The following AGBL4 variants were observed in gnomAD, a reference collection of about 807,000 sequenced individuals.
AGBL4 encodes the protein cytosolic carboxypeptidase 6.
AGBL4 carries 58 observed loss-of-function variants against 66.4 expected under a neutral mutation model. The ratio of observed to expected loss-of-function variants is 0.87; its 90% CI spans 0.71 to 1.09. AGBL4 has a LOEUF of 1.09. Among genes scored for constraint, AGBL4 ranks in the 50% least tolerant of loss-of-function variants. The pLI, the probability that AGBL4 is intolerant of heterozygous loss-of-function variation, is 0.00. For missense variants in AGBL4, 579 were observed against 631.0 expected, an observed-to-expected ratio of 0.92 and a Z score of 0.88; for synonymous variants, 234 against 222.9, an observed-to-expected ratio of 1.05 and a Z score of -0.44.
chr1:49,232,383 G>C (rs941101780), intron 4 of AGBL4, among the ~76,000 whole-genome samples: 3 of 152,034 alleles, frequency 2.0e-5, no homozygotes, highest in African/African-American at 7.2e-5. Flanking sequence ...GACTCAAGAA[G>C]AATATGATCT....
intron 1 of AGBL4, among the ~76,000 whole-genome samples, chr1:49,894,920 A>G (rs1414682878): frequency 6.6e-6 from 1 of 152,158 alleles, no homozygotes; most frequent in African/African-American, 2.4e-5. Flanking sequence ...AGGTTATAGA[A>G]CATCATGCAG....
chr1:48,806,932 A>G (rs1418159716), intron 6 of AGBL4, among the ~76,000 whole-genome samples: 5 of 150,836 alleles, frequency 3.3e-5, no homozygotes, highest in Non-Finnish European at 4.4e-5. Context: ...GTGTGCATAT[A>G]TGTGTGTGTG....
chr1:49,291,914 G>T (rs976897434), intron 3 of AGBL4, among the ~76,000 whole-genome samples: 1 of 152,178 alleles, frequency 6.6e-6, no homozygotes, highest in African/African-American at 2.4e-5. Context: ...TATGGAACTG[G>T]GTCTCACACT....
At chr1:49,230,744 G>T (rs76446447) in intron 4 of AGBL4, among the ~76,000 whole-genome samples, 4 of 152,222 alleles carry the variant, frequency 2.6e-5, no homozygotes, top group Middle Eastern at 3.4e-3. Flanking sequence ...TGAGTGGGAG[G>T]TTATCCCTTC....
intron 5 of AGBL4, among the ~76,000 whole-genome samples, chr1:48,921,990 A>C (rs1654121510): frequency 6.6e-6 from 1 of 152,222 alleles, no homozygotes; most frequent in Non-Finnish European, 1.5e-5. Context: ...TAAAAATCTC[A>C]GCAAATTACT....
chr1:49,672,674 A>C (rs535649921), intron 3 of AGBL4, among the ~76,000 whole-genome samples: 1 of 152,004 alleles, frequency 6.6e-6, no homozygotes, highest in African/African-American at 2.4e-5. Context: ...TAATCCCAGC[A>C]CTTTGGGAGG....
intron 5 of AGBL4, among the ~76,000 whole-genome samples, chr1:48,953,643 A>G (rs10788902): frequency 0.25 from 38,378 of 152,118 alleles, 6,414 homozygotes; most frequent in African/African-American, 0.48. Flanking sequence ...GCTCAGTGAA[A>G]GTGAGGTTTT....
intron 3 of AGBL4, among the ~76,000 whole-genome samples, chr1:49,446,253 T>C (rs1646153945): frequency 6.6e-6 from 1 of 152,230 alleles, no homozygotes; most frequent in Admixed American, 6.5e-5. Flanking sequence ...ATTTCCTTTT[T>C]CATGTTTCCT....
At chr1:48,659,928 C>T (rs1028731022) in intron 7 of AGBL4, among the ~76,000 whole-genome samples, 1 of 152,220 alleles carries the variant, frequency 6.6e-6, no homozygotes, top group Non-Finnish European at 1.5e-5. Context: ...GGCAGGATTT[C>T]TATTATTATT....
intron 1 of AGBL4, among the ~76,000 whole-genome samples, chr1:49,968,681 C>G (rs1298440701): frequency 6.6e-6 from 1 of 152,120 alleles, no homozygotes; most frequent in Non-Finnish European, 1.5e-5. Flanking sequence ...TTCTGAATTC[C>G]TAGAAGGCTC....
intron 3 of AGBL4, among the ~76,000 whole-genome samples, chr1:49,687,437 T>G (rs868720135): frequency 2.0e-5 from 3 of 152,090 alleles, no homozygotes; most frequent in Non-Finnish European, 2.9e-5. Flanking sequence ...CCCCAGAAAC[T>G]TAAAGTTATC....
chr1:48,616,747 TC>T (rs1645325294), intron 9 of AGBL4, among the ~76,000 whole-genome samples: 1 of 152,228 alleles, frequency 6.6e-6, no homozygotes, highest in Non-Finnish European at 1.5e-5. Flanking sequence ...AGCTTCAGAA[TC>T]CTTAGTGTCT....
At chr1:49,493,933 G>A (rs185835332) in intron 3 of AGBL4, among the ~76,000 whole-genome samples, 8 of 152,062 alleles carry the variant, frequency 5.3e-5, no homozygotes, top group Middle Eastern at 3.4e-3. Context: ...TTTAAAAGGT[G>A]TGGGAGTAAC....
intron 4 of AGBL4, among the ~76,000 whole-genome samples, chr1:49,064,492 C>T (rs185272212): frequency 3.3e-5 from 5 of 152,188 alleles, no homozygotes; most frequent in Non-Finnish European, 7.4e-5. Context: ...GGCTTATTCT[C>T]CCTGATACTA....
intron 3 of AGBL4, among the ~76,000 whole-genome samples, chr1:49,512,711 T>G (rs921172237): frequency 6.6e-5 from 10 of 151,876 alleles, no homozygotes; most frequent in African/African-American, 1.9e-4. Flanking sequence ...TGCTTATTAA[T>G]TACCCAGTCT....
chr1:49,437,414 A>G (rs1645927026), intron 3 of AGBL4, among the ~76,000 whole-genome samples: 2 of 152,178 alleles, frequency 1.3e-5, no homozygotes, highest in South Asian at 4.1e-4. Context: ...TAAATACCCC[A>G]AGCTTTTCTA....
chr1:49,513,364 A>T (rs540505594), intron 3 of AGBL4, among the ~76,000 whole-genome samples: 1 of 152,012 alleles, frequency 6.6e-6, no homozygotes, highest in Non-Finnish European at 1.5e-5. Context: ...TGGAATATGG[A>T]TCCTGTCACC....
chr1:48,723,729 A>T (rs1316643034), intron 6 of AGBL4, among the ~76,000 whole-genome samples: 1 of 152,256 alleles, frequency 6.6e-6, no homozygotes, highest in Non-Finnish European at 1.5e-5. Flanking sequence ...TTTTTCACCT[A>T]TTAAGTGGGC....
chr1:49,488,937 G>C (rs1032174330), intron 3 of AGBL4, among the ~76,000 whole-genome samples: 3 of 151,858 alleles, frequency 2.0e-5, no homozygotes, highest in African/African-American at 7.3e-5. Flanking sequence ...TTCATCTGTT[G>C]ATGGATGCAT....
Sources: allele counts gnomAD v4.1 joint callset (sites outside exome capture counted in the v4.1 genomes callset), GRCh38; gene constraint gnomAD v4.1.1; transcripts MANE v1.5; gene names NCBI Gene and HGNC (gene_info 2026-07-23, HGNC 2026-07-21).